Variants in TCN2 observed in about 807,000 individuals in gnomAD.
The protein encoded by TCN2 is transcobalamin 2, also known as transcobalamin-2.
A neutral mutation model predicts 48.6 loss-of-function variants in TCN2; 34 were observed. The observed-to-expected ratio is 0.70, with a 90% CI of 0.53 to 0.93. The LOEUF (loss-of-function observed/expected upper bound fraction) is 0.93, where lower values mean the gene tolerates loss of function less well. Ranked by LOEUF, TCN2 falls within the 40% of genes least tolerant of loss-of-function variation. The pLI, the probability that TCN2 is intolerant of heterozygous loss-of-function variation, is 0.00. For missense variants in TCN2, 652 were observed against 526.1 expected (o/e 1.24, Z -2.34); for synonymous variants, 283 against 212.5 (o/e 1.33, Z -2.89).
At chr22:30,624,409 C>G (rs144258399) in intron 8 of TCN2, among the ~76,000 whole-genome samples, 30 of 152,140 alleles carry the variant, frequency 2.0e-4, no homozygotes, top group Non-Finnish European at 4.3e-4. Context: ...TGTTCCTACT[C>G]TTGTTATTTA....
At chr22:30,620,422 A>T (rs1431728541) in intron 7 of TCN2, among the ~76,000 whole-genome samples, 1 of 152,262 alleles carries the variant, frequency 6.6e-6, no homozygotes, top group Non-Finnish European at 1.5e-5. Context: ...GCTGGCCTGC[A>T]CTTTAGCACC....
rs1398054774 is a variant in TCN2 at position 30,626,460 on chromosome 22, G to T, written c.1223G>T (p.Gly408Val). Residue 408 changes from glycine (G) to valine (V), a missense_variant and splice_region_variant, in exon 9 of 9, where the codon GGT (glycine) becomes GTT (valine). Coordinates refer to ENST00000215838, the MANE Select transcript of TCN2 (RefSeq NM_000355.4). The part of the protein sequence containing the change: ...LRDPNTPLLQ[G>V]IADYRPKDGE... ...CTCCTTGCTCAATCTGTTTCTGCAG[G>T]TATTGCTGACTACAGACCCAAGGAT... is the stretch of plus-strand genomic sequence containing the variant. 1.2e-6 allele frequency: 2 copies of T among 1,614,116 alleles called. No individual in the cohort carries two copies. The highest frequency in any genetic ancestry group is 1.7e-6 in the Non-Finnish European group (2 of 1,180,014).
rs1257617364 is a variant in TCN2, at chr22:30,624,074, ATATATATT to A, written c.1222+993_1222+1000del. Among the ~76,000 whole-genome samples the A allele has an allele frequency of 7.9e-4, 81 of 102,176 alleles. 17 individuals carry two copies. The highest frequency in any genetic ancestry group is 1.3e-3 in the Non-Finnish European group (69 of 52,852). The allele number at this position is 102,176 out of a possible 152,430, so 67.0% of individuals were successfully genotyped here. On this transcript the variant is annotated intron_variant, in intron 8 of 8. Transcript: ENST00000215838. ...CACACACACACACATATATATATATATATATATTTTTTTTTTTTGAGATGGAGTCTTGC... is the reference window on the plus strand; with the variant it reads ...CACACACACACACATATATATATATATTTTTTTTTTGAGATGGAGTCTTGC...
At chr22:30,616,716 A>G (rs562797501) in intron 6 of TCN2, among the ~76,000 whole-genome samples, 6 of 151,972 alleles carry the variant, frequency 3.9e-5, no homozygotes, top group Non-Finnish European at 8.8e-5. Context: ...CACAAGAATC[A>G]CTTGAACCTG....
In TCN2 at chr22:30,607,199, A is replaced by T. The variant is rs1248676868; in HGVS notation, c.-133A>T. 1.2e-5 allele frequency: 11 copies of T among 929,782 alleles called. No individual in the cohort carries two copies. Among genetic ancestry groups the T allele is most frequent in the Non-Finnish European group, 1.9e-5 (11 of 580,378 alleles). 57.6% of individuals were successfully genotyped at this position (929,782 alleles called of 1,614,324 possible). ...GCAGACTTAGCCGTGCATTGCAGGC[A>T]TGGAGGATTAATCAGTGACAGGAAG... is the stretch of plus-strand genomic sequence containing the variant. On this transcript the variant is annotated 5_prime_UTR_variant, in exon 1 of 9. An upstream start codon of the reference 5' UTR is lost. Transcript: ENST00000215838.
At chr22:30,623,438 C>T (rs933506120) in intron 8 of TCN2, 6 of 211,252 alleles carry the variant, frequency 2.8e-5, no homozygotes, top group South Asian at 2.0e-4. Flanking sequence ...CTGCAACCTC[C>T]GCCTCCTGGG....
chr22:30,623,125 A>T, intron 8 of TCN2, 42 bp downstream of exon 8: 1 of 1,603,688 alleles, frequency 6.2e-7, no homozygotes, highest in East Asian at 2.2e-5. Context: ...CCCTACCCCA[A>T]GCTTACTCAG....
chr22:30,613,554 C>T (rs1477172754), intron 3 of TCN2, among the ~76,000 whole-genome samples: 2 of 152,190 alleles, frequency 1.3e-5, no homozygotes, highest in Non-Finnish European at 2.9e-5. Flanking sequence ...GCTGGGATTA[C>T]AGGCATGAGC....
At position 30,626,571 on chromosome 22, in the gene TCN2, C is replaced by G. The variant is rs1384336358; in HGVS notation, c.*50C>G. 1 of 1,599,146 alleles carries G rather than the reference C, an allele frequency of 6.3e-7. No homozygotes were observed. Among genetic ancestry groups the G allele is most frequent in the East Asian group, 2.2e-5 (1 of 44,814 alleles). ...GCCTCGCACACTCCCTAGGCTTCTA[C>G]CCTCCCTCCTGATGTCCCTGGAACA... is the stretch of plus-strand genomic sequence containing the variant. On this transcript the variant is annotated 3_prime_UTR_variant, in exon 9 of 9. Coordinates refer to ENST00000215838, the MANE Select transcript of TCN2 (RefSeq NM_000355.4).
chr22:30,607,647 C>T (rs1432966854), intron 1 of TCN2, among the ~76,000 whole-genome samples: 1 of 152,122 alleles, frequency 6.6e-6, no homozygotes, highest in Non-Finnish European at 1.5e-5. Flanking sequence ...TGTGTCAGGC[C>T]CAGTGTTAGC....
chr22:30,615,593 A>G lies in TCN2; in HGVS notation c.754-8A>G, dbSNP rs922473055. 7 of 1,613,900 alleles carry G rather than the reference A, an allele frequency of 4.3e-6. No individual in the cohort carries two copies. In the African/African-American group the frequency reaches 8.0e-5, roughly 18 times the overall value. ...ACTTCCTCTCTCTCTTCCTCACTCT[A>G]TCACCAGTTCCTCATGACTTCCCCC... On this transcript the variant is annotated splice_region_variant and splice_polypyrimidine_tract_variant and intron_variant, in intron 5 of 8. Coordinates refer to ENST00000215838, the MANE Select transcript of TCN2 (RefSeq NM_000355.4).
Position 30,626,753 on chromosome 22 carries a change from C to T in TCN2, c.*232C>T. ...GGGAAGTCTTTCTGGCCAAGTCTGGCCAGCCTGGCCCTGCAGGTCTCCCAT... is the reference window on the plus strand; with the variant it reads ...GGGAAGTCTTTCTGGCCAAGTCTGGTCAGCCTGGCCCTGCAGGTCTCCCAT... On this transcript the variant is annotated 3_prime_UTR_variant, in exon 9 of 9. Coordinates refer to ENST00000215838, the MANE Select transcript of TCN2 (RefSeq NM_000355.4). The T allele has an allele frequency of 1.7e-6, 1 of 602,342 alleles. No homozygotes were observed. The highest frequency in any genetic ancestry group is 3.0e-6 in the Non-Finnish European group (1 of 336,638). 37.3% of individuals were successfully genotyped at this position (602,342 alleles called of 1,614,324 possible). A position where few individuals can be genotyped will look rare whatever the true frequency, so the allele number is the denominator to read the frequency against.
chr22:30,613,072 G>A, intron 3 of TCN2, 30 bp downstream of exon 3: 2 of 1,611,840 alleles, frequency 1.2e-6, no homozygotes, highest in Non-Finnish European at 1.7e-6. Context: ...TGGGGGTGGG[G>A]AGCAGCTGGG....
rs2087757171 is a variant in TCN2, at chr22:30,623,947, C to CATATGTATACATATATACACACACATAT, written c.1222+888_1222+915dup. Among the ~76,000 whole-genome samples, 7 of 27,432 alleles carry CATATGTATACATATATACACACACATAT rather than the reference C, an allele frequency of 2.6e-4. 2 individuals carry two copies. Among genetic ancestry groups the CATATGTATACATATATACACACACATAT allele is most frequent in the East Asian group, 1.4e-3 (2 of 1,448 alleles). The allele number at this position is 27,432 out of a possible 152,430, so 18.0% of individuals were successfully genotyped here. ...ATATGTATACATATATACACACACA[C>CATATGTATACATATATACACACACATAT]ATATGTATACATATATACACACACA... On this transcript the variant is annotated intron_variant, in intron 8 of 8. Coordinates refer to ENST00000215838, the MANE Select transcript of TCN2 (RefSeq NM_000355.4).
At chr22:30,612,523 C>G (rs1387845879) in intron 2 of TCN2, among the ~76,000 whole-genome samples, 1 of 151,922 alleles carries the variant, frequency 6.6e-6, no homozygotes, top group Non-Finnish European at 1.5e-5. Flanking sequence ...GCACTCCAGC[C>G]TGGGCAACAA....
chr22:30,623,773 CACAT>C (rs546204602), intron 8 of TCN2, among the ~76,000 whole-genome samples: 4,868 of 67,308 alleles, frequency 0.072, 1,833 homozygotes, highest in African/African-American at 0.23. Flanking sequence ...TATATATACA[CACAT>C]ATATATGTAT....
intron 7 of TCN2, among the ~76,000 whole-genome samples, chr22:30,617,923 A>G (rs548344016): frequency 7.2e-4 from 110 of 152,118 alleles, no homozygotes; most frequent in South Asian, 3.3e-3. Flanking sequence ...TCAGAGTAAG[A>G]ACTGTTTTTT....
intron 1 of TCN2, 27 bp downstream of exon 1, chr22:30,607,422 C>G: frequency 1.9e-6 from 3 of 1,613,602 alleles, no homozygotes; most frequent in Non-Finnish European, 1.7e-6. Flanking sequence ...TATCCTGTGC[C>G]TCTTTCCTCC....
Position 30,626,573 on chromosome 22 carries a change from C to T in TCN2, c.*52C>T. 1 of 1,599,106 alleles carries T rather than the reference C, an allele frequency of 6.3e-7. No individual in the cohort carries two copies. Among genetic ancestry groups the T allele is most frequent in the Non-Finnish European group, 8.6e-7 (1 of 1,167,968 alleles). On this transcript the variant is annotated 3_prime_UTR_variant, in exon 9 of 9. Coordinates refer to ENST00000215838, the MANE Select transcript of TCN2 (RefSeq NM_000355.4). Reference sequence around the variant, plus strand: ...CTCGCACACTCCCTAGGCTTCTACCCTCCCTCCTGATGTCCCTGGAACAGG... The same window carrying T: ...CTCGCACACTCCCTAGGCTTCTACCTTCCCTCCTGATGTCCCTGGAACAGG...
Sources: gnomAD v4.1 joint callset for allele counts (sites outside exome capture counted in the v4.1 genomes callset) on GRCh38, gnomAD v4.1.1 for gene constraint, MANE v1.5 for transcripts, NCBI Gene and HGNC (gene_info 2026-07-23, HGNC 2026-07-21) for gene names.